Variants in PAK3 observed in about 807,000 individuals in gnomAD.
PAK3 encodes serine/threonine-protein kinase PAK 3.
PAK3 carries 4 observed loss-of-function variants against 41.0 expected under a neutral mutation model. The observed-to-expected ratio is 0.10, with a 90% CI of 0.05 to 0.22. The LOEUF is 0.22. Ranked by LOEUF, PAK3 falls within the 10% of genes least tolerant of loss-of-function variation. PAK3 has a pLI of 1.00. For missense variants in PAK3, 205 were observed against 409.9 expected (o/e 0.50, Z 4.32); for synonymous variants, 146 against 139.6 (o/e 1.05, Z -0.32).
intron 2 of PAK3, 57 bp downstream of exon 2, chrX:111,097,513 A>G (rs2093030385): frequency 9.1e-6 from 1 of 109,629 alleles, no homozygotes; most frequent in Non-Finnish European, 1.9e-5. Flanking sequence ...TATTTTTAAA[A>G]AACGGCTTTC....
At chrX:111,061,537 T>G (rs1048705737) in intron 1 of PAK3, among the ~76,000 whole-genome samples, 1 of 112,063 alleles carries the variant, frequency 8.9e-6, no homozygotes, top group African/African-American at 3.2e-5. Context: ...TTATGTAGAT[T>G]GTCATTGCAT....
At chrX:111,070,186 T>A (rs1467324892) in intron 1 of PAK3, among the ~76,000 whole-genome samples, 1 of 111,357 alleles carries the variant, frequency 9.0e-6, no homozygotes, top group Non-Finnish European at 1.9e-5. Context: ...GGTAGGGTAG[T>A]TGCACCAACC....
chrX:111,183,960 A>G (rs1046131314), intron 11 of PAK3, among the ~76,000 whole-genome samples: 7 of 111,600 alleles, frequency 6.3e-5, no homozygotes, highest in Non-Finnish European at 3.8e-5. Context: ...ATCATAGTAT[A>G]GTTAACTGAA....
chrX:111,098,695 A>G (rs1050231707), intron 3 of PAK3: 3 of 109,526 alleles, frequency 2.7e-5, no homozygotes, highest in African/African-American at 6.7e-5. Context: ...TGGAGGCGCT[A>G]TCAATCTGGC....
intron 1 of PAK3, among the ~76,000 whole-genome samples, chrX:110,984,919 A>G (rs758451574): frequency 1.4e-4 from 15 of 110,107 alleles, no homozygotes; most frequent in Admixed American, 4.9e-4. Flanking sequence ...GCTTGAGCCC[A>G]GGAGTTTGAG....
chrX:111,074,863 G>C (rs1170247609), intron 1 of PAK3, among the ~76,000 whole-genome samples: 1 of 111,949 alleles, frequency 8.9e-6, no homozygotes, highest in Admixed American at 9.4e-5. Context: ...GGGAGCTGGA[G>C]TAAAGATCAT....
chrX:110,955,225 C>G (rs1249203161), intron 1 of PAK3, among the ~76,000 whole-genome samples: 2 of 112,061 alleles, frequency 1.8e-5, no homozygotes, highest in Non-Finnish European at 3.8e-5. Flanking sequence ...AACCTAATGC[C>G]CTTTTTGAAG....
At chrX:111,213,619 G>A (rs1007112546) in intron 16 of PAK3, among the ~76,000 whole-genome samples, 3 of 111,722 alleles carry the variant, frequency 2.7e-5, no homozygotes, top group African/African-American at 9.8e-5. Flanking sequence ...AACGAGTCTG[G>A]GAAAGGAAGA....
intron 1 of PAK3, among the ~76,000 whole-genome samples, chrX:111,061,822 T>C (rs1343604851): frequency 1.9e-5 from 2 of 105,480 alleles, no homozygotes; most frequent in African/African-American, 6.8e-5. Context: ...CAGTCACTTG[T>C]TTTTTTTTTA....
At chrX:110,970,728 C>T (rs760672991) in intron 1 of PAK3, among the ~76,000 whole-genome samples, 20 of 111,828 alleles carry the variant, frequency 1.8e-4, no homozygotes, top group Non-Finnish European at 1.3e-4. Flanking sequence ...AAAACCTGTA[C>T]GTTCTGCAAA....
intron 1 of PAK3, among the ~76,000 whole-genome samples, chrX:110,951,475 G>A (rs919721499): frequency 1.8e-5 from 2 of 111,609 alleles, no homozygotes; most frequent in Admixed American, 9.5e-5. Flanking sequence ...TATTTTTCTC[G>A]ATATTGCCAA....
chrX:111,108,930 T>C (rs1008097614), intron 4 of PAK3, among the ~76,000 whole-genome samples: 6 of 112,385 alleles, frequency 5.3e-5, no homozygotes, highest in African/African-American at 1.9e-4. Context: ...TGATATTTTA[T>C]ACTTTTAAAA....
intron 1 of PAK3, among the ~76,000 whole-genome samples, chrX:111,035,115 A>T (rs2092381916): frequency 1.6e-5 from 1 of 63,151 alleles, no homozygotes; most frequent in Admixed American, 2.4e-4. Flanking sequence ...CAAAAAAAAA[A>T]AAAAAAAAAA....
At chrX:111,073,439 G>GT (rs984499132) in intron 1 of PAK3, among the ~76,000 whole-genome samples, 6 of 111,526 alleles carry the variant, frequency 5.4e-5, no homozygotes, top group African/African-American at 2.0e-4. Context: ...AGTAGGAGTG[G>GT]TTTTTGAAAA....
At chrX:111,002,249 C>A (rs1412960100) in intron 1 of PAK3, among the ~76,000 whole-genome samples, 1 of 111,700 alleles carries the variant, frequency 9.0e-6, no homozygotes, top group Non-Finnish European at 1.9e-5. Flanking sequence ...CTGTTGATAT[C>A]CCCATTTTAA....
intron 5 of PAK3, among the ~76,000 whole-genome samples, chrX:111,138,991 C>CA (rs759956049): frequency 1.9e-5 from 2 of 107,276 alleles, no homozygotes; most frequent in African/African-American, 3.4e-5. Flanking sequence ...CAAACAACAA[C>CA]ACACACACAC....
At position 111,221,046 on chromosome X, in the gene PAK3, C is replaced by A. The variant is rs1219415316; in HGVS notation, c.*599C>A. 1 of 110,561 alleles carries A rather than the reference C, an allele frequency of 9.0e-6. No individual in the cohort carries two copies. 9.1% of individuals were successfully genotyped at this position (110,561 alleles called of 1,213,427 possible). A position where few individuals can be genotyped will look rare whatever the true frequency, so the allele number is the denominator to read the frequency against. On this transcript the variant is annotated 3_prime_UTR_variant, in exon 18 of 18. Transcript: ENST00000372007. ...GTGTGAACATGTGGAAGTCCATGCC[C>A]TAATAGAGTTGCAATTTTTTATTCT... is the stretch of plus-strand genomic sequence containing the variant.
chrX:111,096,869 T>TACAGACAC, intron 1 of PAK3: 2 of 72,198 alleles, frequency 2.8e-5, no homozygotes, highest in Admixed American at 3.5e-4. Flanking sequence ...CCCCGCCCCT[T>TACAGACAC]ACACACACAC....
chrX:111,033,698 G>A (rs932545413), intron 1 of PAK3, among the ~76,000 whole-genome samples: 3 of 111,277 alleles, frequency 2.7e-5, no homozygotes, highest in African/African-American at 9.8e-5. Flanking sequence ...CTGCGCTTAA[G>A]TGATTCCTAT....
Sources: allele counts gnomAD v4.1 joint callset (sites outside exome capture counted in the v4.1 genomes callset), GRCh38; gene constraint gnomAD v4.1.1; transcripts MANE v1.5; gene names NCBI Gene and HGNC (gene_info 2026-07-23, HGNC 2026-07-21).